The following CLTC variants were observed in gnomAD, a reference collection of about 807,000 sequenced individuals.
CLTC encodes clathrin heavy chain.
CLTC carries 16 observed loss-of-function variants against 195.8 expected under a neutral mutation model. The ratio of observed to expected loss-of-function variants is 0.08; its 90% CI spans 0.06 to 0.12. CLTC has a LOEUF of 0.12. Ranked by LOEUF, CLTC falls within the 10% of genes least tolerant of loss-of-function variation. CLTC has a pLI of 1.00. For missense variants in CLTC, 796 were observed against 2,027.0 expected (o/e 0.39, Z 11.66); for synonymous variants, 667 against 689.4 (o/e 0.97, Z 0.51).
In CLTC at chr17:59,683,272, CATT is replaced by C; in HGVS notation, c.4041+11_4041+13del. 6.2e-7 allele frequency: 1 copy of C among 1,612,084 alleles called. No homozygotes were observed. The highest frequency in any genetic ancestry group is 8.5e-7 in the Non-Finnish European group (1 of 1,178,842). On this transcript the variant is annotated intron_variant, in intron 25 of 31. Coordinates refer to ENST00000269122, the MANE Select transcript of CLTC (RefSeq NM_004859.4). The surrounding 1 kb of genome is among the most constrained non-coding windows in gnomAD (Gnocchi z 6.1). The stretch of plus-strand genomic sequence containing the variant: ...AGTGAATATTCCCAAGGTAACCAGT[CATT>C]GTAACACAGTGAAGCAACTGTGTAG...
At chr17:59,693,196 GTC>G (rs1243368397) in intron 31 of CLTC, among the ~76,000 whole-genome samples, 1 of 151,876 alleles carries the variant, frequency 6.6e-6, no homozygotes, top group East Asian at 1.9e-4. Flanking sequence ...GCAAAACCCT[GTC>G]TCTACTAAAA....
intron 30 of CLTC, among the ~76,000 whole-genome samples, chr17:59,686,342 A>G (rs2033183885): frequency 6.6e-6 from 1 of 151,018 alleles, no homozygotes. Flanking sequence ...TATAACATTC[A>G]CTATTCGTCT....
Position 59,683,840 on chromosome 17 carries a change from T to C in CLTC, c.4324-35T>C. On this transcript the variant is annotated intron_variant, in intron 27 of 31. Transcript: ENST00000269122. This position sits in a 1 kb window ranked among gnomAD's most constrained non-coding sequence, Gnocchi z 6.1. ...ACTTTTGTCCCTGGGACTTCAATAA[T>C]GTGCTATATTTGTAACAAACTCTTT... 6.2e-7 allele frequency: 1 copy of C among 1,610,482 alleles called. No individual in the cohort carries two copies. The highest frequency in any genetic ancestry group is 1.1e-5 in the South Asian group (1 of 90,948).
chr17:59,628,822 C>T (rs959615138), intron 1 of CLTC, among the ~76,000 whole-genome samples: 8 of 152,048 alleles, frequency 5.3e-5, no homozygotes, highest in African/African-American at 1.9e-4. Context: ...CCAGGCCTGG[C>T]GAATTTTTTT....
In CLTC at chr17:59,683,119, A is replaced by T; in HGVS notation, c.3898A>T (p.Ile1300Phe). Residue 1300 changes from isoleucine to phenylalanine, a missense_variant, in exon 25 of 32, where the codon ATC (isoleucine) becomes TTC (phenylalanine). Physicochemically the swap from Ile to Phe is conservative, Grantham distance 21. This residue lies in a region of CLTC where 102 missense variants were observed against 317.6 expected (regional missense o/e 0.32). Coordinates refer to ENST00000269122, the MANE Select transcript of CLTC (RefSeq NM_004859.4). This position sits in a 1 kb window ranked among gnomAD's most constrained non-coding sequence, Gnocchi z 6.1. The part of the protein sequence containing the change: ...YQDRGYFEEL[I>F]TMLEAALGLE... ...GGATCGTGGCTATTTTGAAGAGCTG[A>T]TCACCATGTTGGAAGCAGCACTGGG... is the stretch of plus-strand genomic sequence containing the variant. 6.2e-7 allele frequency: 1 copy of T among 1,614,154 alleles called. No individual in the cohort carries two copies. Among genetic ancestry groups the T allele is most frequent in the Non-Finnish European group, 8.5e-7 (1 of 1,179,992 alleles).
Position 59,656,006 on chromosome 17 carries a change from T to C in CLTC, c.948T>C (p.Ile316=), listed in dbSNP as rs1351260468. Reference sequence around the variant, plus strand: ...CTCATGAAGCCACAGCTGGAATAATTGGAGTAAACAGAAAGGGACAAGTAA... The same window carrying C: ...CTCATGAAGCCACAGCTGGAATAATCGGAGTAAACAGAAAGGGACAAGTAA... ...TAPHEATAGI[I]GVNRKGQVLS... is the part of the protein sequence containing the mutation. The change falls in exon 6 of 32, where the codon ATT becomes ATC. Residue 316 remains isoleucine (I), a synonymous_variant. Coordinates refer to ENST00000269122, the MANE Select transcript of CLTC (RefSeq NM_004859.4). 6.2e-7 allele frequency: 1 copy of C among 1,611,176 alleles called. No homozygotes were observed. The highest frequency in any genetic ancestry group is 1.7e-5 in the Admixed American group (1 of 59,458).
chr17:59,651,122 C>T, intron 4 of CLTC, 81 bp from the exon 5 acceptor site: 6 of 840,032 alleles, frequency 7.1e-6, no homozygotes, highest in Non-Finnish European at 1.2e-5. Flanking sequence ...TGGTTGTTTC[C>T]ATTTGGGGGC....
chr17:59,643,826 T>C (rs903211299), intron 1 of CLTC, among the ~76,000 whole-genome samples: 2 of 152,254 alleles, frequency 1.3e-5, no homozygotes, highest in Non-Finnish European at 2.9e-5. Context: ...CAAGTTCCTT[T>C]ATTTAGATCA....
chr17:59,673,652 A>G lies in CLTC; in HGVS notation c.2298A>G (p.Ala766=), dbSNP rs755005910. ...TTTGTTTGTCTTTTTTTCAGGAAGC[A>G]AAACTAACAGATCAGCTACCACTTA... ...PERVKNFLKE[A]KLTDQLPLII... Residue 766 remains alanine, a synonymous_variant, in exon 15 of 32, where the codon GCA becomes GCG. Coordinates refer to ENST00000269122, the MANE Select transcript of CLTC (RefSeq NM_004859.4). 1.8e-5 allele frequency: 29 copies of G among 1,609,764 alleles called. No individual in the cohort carries two copies. The highest frequency in any genetic ancestry group is 1.0e-4 in the Admixed American group (6 of 59,368).
chr17:59,664,569 AAAAG>A (rs2032684453), intron 9 of CLTC: 8 of 362,130 alleles, frequency 2.2e-5, no homozygotes, highest in Middle Eastern at 7.4e-4. Context: ...AAAAAAAAAG[AAAAG>A]AAAAGAAAAG....
At chr17:59,656,098 G>A in intron 6 of CLTC, 71 bp downstream of exon 6, 5 of 1,303,342 alleles carry the variant, frequency 3.8e-6, no homozygotes, top group South Asian at 1.5e-5. Flanking sequence ...CTGTCCTTTT[G>A]AGAAATTACT....
In CLTC at chr17:59,694,028, C is replaced by T; in HGVS notation, c.*176C>T. On this transcript the variant is annotated 3_prime_UTR_variant, in exon 32 of 32. Coordinates refer to ENST00000269122, the MANE Select transcript of CLTC (RefSeq NM_004859.4). ...TCACCTATGTTAAAACCTTATTTCA[C>T]ATTCCACATCATTTTAGAATTTATT... is the stretch of plus-strand genomic sequence containing the variant. The T allele has an allele frequency of 1.9e-6, 1 of 521,526 alleles. No homozygotes were observed. Among genetic ancestry groups the T allele is most frequent in the Non-Finnish European group, 3.1e-6 (1 of 327,700 alleles). 32.3% of individuals were successfully genotyped at this position (521,526 alleles called of 1,614,324 possible). A position where few individuals can be genotyped will look rare whatever the true frequency, so the allele number is the denominator to read the frequency against.
At chr17:59,646,342 C>T (rs1265951537) in intron 2 of CLTC, among the ~76,000 whole-genome samples, 2 of 152,160 alleles carry the variant, frequency 1.3e-5, no homozygotes, top group Non-Finnish European at 2.9e-5. Flanking sequence ...TTTTTCAAGT[C>T]TGGTTGTGGT....
intron 16 of CLTC, among the ~76,000 whole-genome samples, chr17:59,676,559 G>C (rs1010164197): frequency 6.6e-6 from 1 of 152,190 alleles, no homozygotes; most frequent in Admixed American, 6.5e-5. Context: ...TCATATAGCA[G>C]ATAAACCTGG....
chr17:59,684,039 C>T (rs2033128922), intron 28 of CLTC, 54 bp downstream of exon 28: 2 of 1,184,632 alleles, frequency 1.7e-6, no homozygotes, highest in African/African-American at 3.1e-5. Flanking sequence ...GTTATGTTTT[C>T]CCATTTTTTA....
At chr17:59,668,660 A>T in intron 13 of CLTC, 117 bp from the exon 14 acceptor site, 2 of 829,724 alleles carry the variant, frequency 2.4e-6, no homozygotes, top group Non-Finnish European at 3.5e-6. Context: ...CGCGCTTTTT[A>T]AGCAACCAAC....
At chr17:59,641,638 C>T (rs1447440103) in intron 1 of CLTC, among the ~76,000 whole-genome samples, 11 of 144,460 alleles carry the variant, frequency 7.6e-5, no homozygotes. Flanking sequence ...GAGTTTGTCA[C>T]TTGCCTCCTG....
At position 59,695,713 on chromosome 17, in the gene CLTC, GT is replaced by G. The variant is rs2033404650; in HGVS notation, c.*1862del. The stretch of plus-strand genomic sequence containing the variant: ...GTTTCATCCAGGACATTAAGTGAAA[GT>G]GTTTAATGTGAGTGCAGGTCAGTGA... On this transcript the variant is annotated 3_prime_UTR_variant, in exon 32 of 32. Transcript: ENST00000269122. 1 of 192,066 alleles carries G rather than the reference GT, an allele frequency of 5.2e-6. No individual in the cohort carries two copies. The highest frequency in any genetic ancestry group is 2.3e-5 in the African/African-American group (1 of 43,054). 11.9% of individuals were successfully genotyped at this position (192,066 alleles called of 1,614,324 possible). A position where few individuals can be genotyped will look rare whatever the true frequency, so the allele number is the denominator to read the frequency against.
chr17:59,682,498 C>T lies in CLTC; in HGVS notation c.3600+70C>T. The T allele has an allele frequency of 1.3e-6, 2 of 1,589,618 alleles. No homozygotes were observed. Among genetic ancestry groups the T allele is most frequent in the South Asian group, 2.2e-5 (2 of 89,024 alleles). On this transcript the variant is annotated intron_variant, in intron 22 of 31. Transcript: ENST00000269122. The surrounding 1 kb of genome is among the most constrained non-coding windows in gnomAD (Gnocchi z 6.8). ...GATTAGCTTGGTAGGATCAAAACAT[C>T]ATAACTGAAGAATTCCAAGGAAAAA...
Sources: gnomAD v4.1 joint callset for allele counts (sites outside exome capture counted in the v4.1 genomes callset) on GRCh38, gnomAD v4.1.1 for gene constraint, gnomAD v4.1.1 regional missense constraint, Gnocchi (gnomAD v3.1) non-coding constraint, MANE v1.5 for transcripts, NCBI Gene and HGNC (gene_info 2026-07-23, HGNC 2026-07-21) for gene names.